Variants in SRBD1 observed in about 807,000 individuals in gnomAD.
SRBD1 encodes the protein S1 RNA binding domain 1.
SRBD1 carries 88 observed loss-of-function variants against 115.3 expected under a neutral mutation model. The observed-to-expected ratio is 0.76, with a 90% CI of 0.64 to 0.91. The LOEUF is 0.91. SRBD1 is among the 40% of genes least tolerant of loss of function. SRBD1 has a pLI of 0.00. For missense variants in SRBD1, 1,385 were observed against 1,177.4 expected, an observed-to-expected ratio of 1.18 and a Z score of -2.58; for synonymous variants, 509 against 407.7, an observed-to-expected ratio of 1.25 and a Z score of -2.99.
chr2:45,593,749 TCTG>T (rs1477960942), intron 4 of SRBD1, among the ~76,000 whole-genome samples: 1 of 152,234 alleles, frequency 6.6e-6, no homozygotes, highest in African/African-American at 2.4e-5. Flanking sequence ...GCTGTTGATT[TCTG>T]CTGTTCTCCT....
rs879101012 is a variant in SRBD1 at position 45,389,240 on chromosome 2, A to G, written c.*70T>C. The G allele has an allele frequency of 2.9e-5, 44 of 1,527,896 alleles. No individual in the cohort carries two copies. The South Asian group carries it at 4.9e-4, about 17-fold the overall frequency. The allele number at this position is 1,527,896 out of a possible 1,614,324, so 94.6% of individuals were successfully genotyped here. ...CTCATCTGCTACCTAGAGTTTACAA[A>G]CAACTGACTTATCCTTGTCAATCTG... On this transcript the variant is annotated 3_prime_UTR_variant, in exon 21 of 21. Coordinates refer to ENST00000263736, the MANE Select transcript of SRBD1 (RefSeq NM_018079.5).
chr2:45,398,777 AAAT>A (rs1199107890), intron 19 of SRBD1, among the ~76,000 whole-genome samples: 1 of 152,194 alleles, frequency 6.6e-6, no homozygotes, highest in Non-Finnish European at 1.5e-5. Context: ...AAGATCAGTG[AAAT>A]AATAACCAAT....
At chr2:45,504,861 C>A (rs1180919503) in intron 14 of SRBD1, among the ~76,000 whole-genome samples, 1 of 152,040 alleles carries the variant, frequency 6.6e-6, no homozygotes, top group Non-Finnish European at 1.5e-5. Context: ...GTAACAGAAG[C>A]CCATCCTCAA....
chr2:45,434,332 T>A (rs535494134), intron 16 of SRBD1, among the ~76,000 whole-genome samples: 117 of 152,176 alleles, frequency 7.7e-4, no homozygotes, highest in Non-Finnish European at 1.4e-3. Flanking sequence ...GTCTCCCCAT[T>A]CTGGATGGCC....
At chr2:45,477,374 C>T (rs924396310) in intron 15 of SRBD1, among the ~76,000 whole-genome samples, 1 of 152,182 alleles carries the variant, frequency 6.6e-6, no homozygotes, top group African/African-American at 2.4e-5. Context: ...TACATGATTA[C>T]CTATTCATTC....
intron 14 of SRBD1, among the ~76,000 whole-genome samples, chr2:45,538,962 A>G (rs1484675900): frequency 6.6e-6 from 1 of 152,176 alleles, no homozygotes; most frequent in African/African-American, 2.4e-5. Flanking sequence ...TATCATGTAC[A>G]TGTTTCCACA....
intron 18 of SRBD1, among the ~76,000 whole-genome samples, chr2:45,416,967 C>T (rs552087454): frequency 5.8e-4 from 89 of 152,164 alleles, no homozygotes; most frequent in African/African-American, 2.0e-3. Flanking sequence ...TTAGTAGAGA[C>T]GGGGTTTCAC....
intron 4 of SRBD1, among the ~76,000 whole-genome samples, chr2:45,586,367 C>T (rs1354203803): frequency 1.3e-5 from 2 of 151,956 alleles, no homozygotes; most frequent in Non-Finnish European, 2.9e-5. Flanking sequence ...ATACTAAATA[C>T]CATGCAAGCA....
intron 14 of SRBD1, among the ~76,000 whole-genome samples, chr2:45,490,927 T>C (rs1558430426): frequency 6.6e-6 from 1 of 152,184 alleles, no homozygotes; most frequent in East Asian, 1.9e-4. Context: ...AGAGTATGTG[T>C]CTAATACACA....
At chr2:45,555,412 G>C (rs1015802602) in intron 10 of SRBD1, among the ~76,000 whole-genome samples, 2 of 148,722 alleles carry the variant, frequency 1.3e-5, no homozygotes, top group Admixed American at 1.3e-4. Context: ...AAAAAACCCA[G>C]CCCAGAATTT....
intron 14 of SRBD1, among the ~76,000 whole-genome samples, chr2:45,494,566 A>C (rs1315838408): frequency 6.6e-6 from 1 of 152,256 alleles, no homozygotes; most frequent in African/African-American, 2.4e-5. Flanking sequence ...CAGGCCATTT[A>C]AGAAGCAAAT....
intron 5 of SRBD1, 90 bp from the exon 6 acceptor site, chr2:45,581,900 A>G (rs974429495): frequency 3.0e-6 from 3 of 991,592 alleles, no homozygotes; most frequent in African/African-American, 1.7e-5. Flanking sequence ...AGTTGCAGGT[A>G]AAGTAAAAGG....
At chr2:45,458,371 C>G (rs1669216623) in intron 16 of SRBD1, among the ~76,000 whole-genome samples, 1 of 152,078 alleles carries the variant, frequency 6.6e-6, no homozygotes, top group South Asian at 2.1e-4. Flanking sequence ...ACCTTTATTT[C>G]AAAATGGGCT....
chr2:45,419,739 G>T, intron 17 of SRBD1, 49 bp downstream of exon 17: 1 of 1,543,444 alleles, frequency 6.5e-7, no homozygotes, highest in Non-Finnish European at 8.9e-7. Context: ...GGACTGGACA[G>T]CCAGTTAAAC....
At chr2:45,459,539 A>T (rs1669251839) in intron 16 of SRBD1, among the ~76,000 whole-genome samples, 1 of 152,178 alleles carries the variant, frequency 6.6e-6, no homozygotes, top group African/African-American at 2.4e-5. Context: ...ATATTTGATA[A>T]GGTTAGCATA....
chr2:45,493,736 G>T (rs1670369008), intron 14 of SRBD1, among the ~76,000 whole-genome samples: 1 of 151,774 alleles, frequency 6.6e-6, no homozygotes, highest in African/African-American at 2.4e-5. Flanking sequence ...GTTTGAATCT[G>T]GAAGGTGAAG....
At chr2:45,438,994 A>T (rs1668581831) in intron 16 of SRBD1, among the ~76,000 whole-genome samples, 1 of 152,186 alleles carries the variant, frequency 6.6e-6, no homozygotes, top group Non-Finnish European at 1.5e-5. Flanking sequence ...GAGAGAATGT[A>T]CATGTTATAT....
chr2:45,554,417 CT>C (rs1044936095), intron 10 of SRBD1, among the ~76,000 whole-genome samples: 7 of 152,154 alleles, frequency 4.6e-5, no homozygotes, highest in Non-Finnish European at 7.3e-5. Context: ...CCACTGTATC[CT>C]TTTTTCCCCC....
intron 18 of SRBD1, among the ~76,000 whole-genome samples, chr2:45,414,932 C>CACACATAT (rs370661224): frequency 2.7e-5 from 3 of 109,810 alleles, no homozygotes; most frequent in African/African-American, 1.6e-4. Flanking sequence ...TGTACACACA[C>CACACATAT]AGTGTTATAT....
Sources: gnomAD v4.1 joint callset for allele counts (sites outside exome capture counted in the v4.1 genomes callset) on GRCh38, gnomAD v4.1.1 for gene constraint, MANE v1.5 for transcripts, NCBI Gene and HGNC (gene_info 2026-07-23, HGNC 2026-07-21) for gene names.